PEAK1: variants seen among roughly 807,000 people sequenced by gnomAD.
PEAK1 encodes the protein inactive tyrosine-protein kinase PEAK1.
A neutral mutation model predicts 124.7 loss-of-function variants in PEAK1; 54 were observed. The observed-to-expected ratio is 0.43, with a 90% CI of 0.35 to 0.54. PEAK1 has a LOEUF of 0.54. Ranked by LOEUF, PEAK1 falls within the 20% of genes least tolerant of loss-of-function variation. The probability of loss-of-function intolerance (pLI) is 0.01; values close to 1 mark genes in which losing one functional copy is unlikely to be tolerated. For synonymous variants in PEAK1, 719 were observed against 760.0 expected (o/e 0.95, Z 0.89); for missense variants, 2,046 against 2,134.5 (o/e 0.96, Z 0.82).
chr15:77,258,514 T>G (rs1027288961), intron 5 of PEAK1, among the ~76,000 whole-genome samples: 16 of 152,316 alleles, frequency 1.1e-4, no homozygotes, highest in African/African-American at 3.6e-4. Flanking sequence ...TCACTCATGA[T>G]TTGGCTCTCT....
chr15:77,167,119 T>C (rs768239266), intron 7 of PEAK1, among the ~76,000 whole-genome samples: 63 of 152,116 alleles, frequency 4.1e-4, no homozygotes, highest in Non-Finnish European at 8.4e-4. Context: ...AGAATAAGTA[T>C]ACAAGCAGCA....
chr15:77,365,090 A>T (rs2141609114), intron 2 of PEAK1, 73 bp downstream of exon 2: 2 of 551,870 alleles, frequency 3.6e-6, no homozygotes, highest in Non-Finnish European at 4.6e-6. Flanking sequence ...ATTGCCTTAA[A>T]TTTTTTCAAA....
rs561460364 is a variant in PEAK1, at chr15:77,385,404, A to T, written c.-665-20179T>A. 6.6e-5 allele frequency among the ~76,000 whole-genome samples: 10 copies of T among 152,336 alleles called. No homozygotes were observed. In the South Asian group the frequency reaches 2.1e-3, roughly 32 times the overall value. On this transcript the variant is annotated intron_variant, in intron 1 of 9. Transcript: ENST00000682557. ...ATTCTAAAATTTTCCAGCAAAAAAT[A>T]AAAGGACCAAACTTCAGATTAAAAT...
chr15:77,337,971 T>C (rs1014737207), intron 2 of PEAK1: 91 of 984,142 alleles, frequency 9.2e-5, no homozygotes, highest in Non-Finnish European at 1.0e-4. Flanking sequence ...AGTACCATCA[T>C]ACCACTTTCT....
At chr15:77,267,951 TAA>T (rs35127488) in intron 5 of PEAK1, among the ~76,000 whole-genome samples, 1 of 148,972 alleles carries the variant, frequency 6.7e-6, no homozygotes, top group African/African-American at 2.5e-5. Context: ...GTCCAAGAAA[TAA>T]AAAAAAATGA....
intron 5 of PEAK1, among the ~76,000 whole-genome samples, chr15:77,282,158 C>A (rs868174965): frequency 2.0e-5 from 3 of 152,154 alleles, no homozygotes; most frequent in Non-Finnish European, 1.5e-5. Flanking sequence ...CAAATATACA[C>A]ATACATACAT....
At chr15:77,247,558 C>T (rs1282756408) in intron 6 of PEAK1, among the ~76,000 whole-genome samples, 1 of 140,828 alleles carries the variant, frequency 7.1e-6, no homozygotes. Flanking sequence ...GCACAACCTC[C>T]ACCTCCTGGG....
At chr15:77,313,644 ATGTATGTATG>A (rs1190278297) in intron 2 of PEAK1, among the ~76,000 whole-genome samples, 5 of 75,412 alleles carry the variant, frequency 6.6e-5, no homozygotes, top group South Asian at 8.3e-4. Context: ...GTATGTATGT[ATGTATGTATG>A]TGTGTGTGTG....
chr15:77,335,586 C>A (rs1187938879), intron 2 of PEAK1: 3 of 777,856 alleles, frequency 3.9e-6, no homozygotes, highest in Non-Finnish European at 4.7e-6. Context: ...TTAAGCGAAC[C>A]GCCTGACACA....
At chr15:77,285,202 C>T (rs2062862643) in intron 3 of PEAK1, 147 bp from the exon 4 acceptor site, 2 of 151,890 alleles carry the variant, frequency 1.3e-5, no homozygotes, top group South Asian at 2.1e-4. Flanking sequence ...GGACAATTTG[C>T]TTATTTCTTT....
intron 8 of PEAK1, among the ~76,000 whole-genome samples, chr15:77,147,607 T>C (rs2054264075): frequency 6.6e-6 from 1 of 152,186 alleles, no homozygotes; most frequent in African/African-American, 2.4e-5. Flanking sequence ...ACAAATTTTA[T>C]TACTTCTTTG....
chr15:77,270,490 A>T (rs1189301533), intron 5 of PEAK1, among the ~76,000 whole-genome samples: 1 of 152,170 alleles, frequency 6.6e-6, no homozygotes, highest in African/African-American at 2.4e-5. Flanking sequence ...AATAACAGAC[A>T]AACAGAGAGC....
chr15:77,313,702 A>ATATATATATATATATATATG (rs1213561861), intron 2 of PEAK1, among the ~76,000 whole-genome samples: 28 of 119,434 alleles, frequency 2.3e-4, no homozygotes, highest in African/African-American at 9.0e-4. Flanking sequence ...GTATATATAT[A>ATATATATATATATATATATG]TATGTATGTG....
In PEAK1 at chr15:77,288,309, T is replaced by G. The variant is rs552186759; in HGVS notation, c.-602-1805A>C. ...CTGAACTATTTGTCAATCCCATATA[T>G]TCTCATGCTGTTCTCTTTGCCAGTA... is the stretch of plus-strand genomic sequence containing the variant. On this transcript the variant is annotated intron_variant, in intron 2 of 9. Transcript: ENST00000682557. Among the ~76,000 whole-genome samples, 21 of 152,236 alleles carry G rather than the reference T, an allele frequency of 1.4e-4. 1 individual carries two copies. In the South Asian group the frequency reaches 4.1e-3, roughly 30 times the overall value.
At chr15:77,244,029 C>G (rs1285970635) in intron 6 of PEAK1, among the ~76,000 whole-genome samples, 1 of 151,536 alleles carries the variant, frequency 6.6e-6, no homozygotes, top group East Asian at 1.9e-4. Context: ...TGATCACATT[C>G]AACTCCTACT....
chr15:77,380,326 A>G (rs1418925541), intron 1 of PEAK1, among the ~76,000 whole-genome samples: 1 of 152,164 alleles, frequency 6.6e-6, no homozygotes, highest in Non-Finnish European at 1.5e-5. Context: ...TCACCCTTTC[A>G]GCAAAAACAG....
intron 6 of PEAK1, among the ~76,000 whole-genome samples, chr15:77,250,181 G>GTATA (rs554757253): frequency 1.4e-4 from 15 of 105,520 alleles, no homozygotes; most frequent in African/African-American, 4.0e-4. Context: ...ATATGTATAT[G>GTATA]TATATATATA....
At chr15:77,238,110 T>A (rs1042950223) in intron 6 of PEAK1, among the ~76,000 whole-genome samples, 7 of 152,208 alleles carry the variant, frequency 4.6e-5, no homozygotes, top group African/African-American at 1.7e-4. Flanking sequence ...CCTAATGGTT[T>A]TGAACGAAAA....
chr15:77,278,508 C>A, intron 5 of PEAK1: 1 of 496,578 alleles, frequency 2.0e-6, no homozygotes. Context: ...GGAGATAAAG[C>A]CAAAGTGAGG....
Sources: allele counts gnomAD v4.1 joint callset (sites outside exome capture counted in the v4.1 genomes callset), GRCh38; gene constraint gnomAD v4.1.1; transcripts MANE v1.5; gene names NCBI Gene and HGNC (gene_info 2026-07-23, HGNC 2026-07-21).